Variants in DLGAP2 observed in about 807,000 individuals in gnomAD.
DLGAP2 encodes disks large-associated protein 2.
A neutral mutation model predicts 100.3 loss-of-function variants in DLGAP2; 26 were observed. The observed-to-expected ratio is 0.26, with a 90% confidence interval of 0.19 to 0.36. The LOEUF is 0.36. DLGAP2 is among the 10% of genes least tolerant of loss of function. The pLI is 1.00. For synonymous variants in DLGAP2, 886 were observed against 630.1 expected (o/e 1.41, Z -6.08); for missense variants, 1,858 against 1,453.2 (o/e 1.28, Z -4.53).
Position 1,164,184 on chromosome 8 carries a change from TGGGGATTTTTCTGTGAGCCCCCAGGGCC to T in DLGAP2, c.74-94666_74-94639del, listed in dbSNP as rs1563224205. On this transcript the variant is annotated intron_variant, in intron 2 of 14. Transcript: ENST00000637795. ...CCCCAGGGCCCGTCATTTTGGTTTG[TGGGGATTTTTCTGTGAGCCCCCAGGGCC>T]CGTCATTTTGGTTTGTGGGGACAGA... is the stretch of plus-strand genomic sequence containing the variant. 3.6e-3 allele frequency among the ~76,000 whole-genome samples: 329 copies of T among 90,868 alleles called. 3 individuals are homozygous for T. The highest frequency in any genetic ancestry group is 8.5e-3 in the African/African-American group (206 of 24,220). 59.6% of individuals were successfully genotyped at this position (90,868 alleles called of 152,430 possible).
At chr8:1,660,513 C>T (rs963813135) in intron 8 of DLGAP2, among the ~76,000 whole-genome samples, 1 of 152,174 alleles carries the variant, frequency 6.6e-6, no homozygotes, top group Non-Finnish European at 1.5e-5. Flanking sequence ...TCCCCCTTGA[C>T]CTCTGTACTC....
chr8:873,392 C>T (rs899517638), intron 1 of DLGAP2, among the ~76,000 whole-genome samples: 2 of 152,206 alleles, frequency 1.3e-5, no homozygotes, highest in African/African-American at 4.8e-5. Flanking sequence ...AACCAACATC[C>T]TTGTCTTGTT....
chr8:973,954 G>T (rs562226960), intron 2 of DLGAP2, among the ~76,000 whole-genome samples: 3 of 151,456 alleles, frequency 2.0e-5, no homozygotes, highest in South Asian at 2.1e-4. Context: ...AGCTGCGCGC[G>T]CAGACCGGGC....
At chr8:1,536,699 G>A (rs942570983) in intron 4 of DLGAP2, among the ~76,000 whole-genome samples, 28 of 152,168 alleles carry the variant, frequency 1.8e-4, no homozygotes, top group Non-Finnish European at 4.1e-4. Flanking sequence ...ATCTGAACCC[G>A]CGTTTGGTCT....
intron 1 of DLGAP2, among the ~76,000 whole-genome samples, chr8:836,460 G>T (rs1031932489): frequency 5.9e-5 from 9 of 152,318 alleles, no homozygotes; most frequent in South Asian, 2.1e-4. Flanking sequence ...CAGGGATGGG[G>T]TCCGAGGGCT....
rs187852206 is a variant in DLGAP2 at position 1,437,845 on chromosome 8, G to T, written c.107-63521G>T. ...AAAAAAAAAAAAAAAAATTAGCCGG[G>T]CGTGATGTCATGTGCCTGTAATCCC... On this transcript the variant is annotated intron_variant, in intron 3 of 14. Coordinates refer to ENST00000637795, the MANE Select transcript of DLGAP2 (RefSeq NM_001346810.2). Among the ~76,000 whole-genome samples, 1,035 of 148,224 alleles carry T rather than the reference G, an allele frequency of 7.0e-3. 12 individuals are homozygous for T. The highest frequency in any genetic ancestry group is 0.024 in the African/African-American group (990 of 40,522).
intron 1 of DLGAP2, among the ~76,000 whole-genome samples, chr8:883,753 C>G (rs796284586): frequency 1.4e-4 from 22 of 152,282 alleles, no homozygotes; most frequent in African/African-American, 5.1e-4. Context: ...TGGTGGTTTG[C>G]TGCACCTATT....
At chr8:903,236 T>C (rs1403273281) in intron 1 of DLGAP2, among the ~76,000 whole-genome samples, 1 of 152,016 alleles carries the variant, frequency 6.6e-6, no homozygotes, top group Non-Finnish European at 1.5e-5. Flanking sequence ...CAAACAAGGA[T>C]GTTTTATGAA....
At chr8:1,188,348 C>T (rs553666532) in intron 2 of DLGAP2, among the ~76,000 whole-genome samples, 15 of 141,560 alleles carry the variant, frequency 1.1e-4, no homozygotes, top group Middle Eastern at 3.8e-3. Flanking sequence ...CTCACACACC[C>T]GGGACCTCCG....
chr8:770,976 A>T (rs1035062193), intron 1 of DLGAP2, among the ~76,000 whole-genome samples: 2 of 151,956 alleles, frequency 1.3e-5, no homozygotes, highest in African/African-American at 4.8e-5. Flanking sequence ...AGGGGTCTTT[A>T]AAATATTACT....
At chr8:973,990 T>G (rs535357184) in intron 2 of DLGAP2, among the ~76,000 whole-genome samples, 1 of 151,868 alleles carries the variant, frequency 6.6e-6, no homozygotes, top group Non-Finnish European at 1.5e-5. Context: ...AAAGATTTTT[T>G]TAAAAATGGA....
At chr8:1,221,119 T>C (rs1798306466) in intron 2 of DLGAP2, among the ~76,000 whole-genome samples, 1 of 152,218 alleles carries the variant, frequency 6.6e-6, no homozygotes, top group Non-Finnish European at 1.5e-5. Context: ...AATATTGGTA[T>C]GTGAAGATTC....
chr8:1,484,672 T>G (rs1379271793), intron 3 of DLGAP2, among the ~76,000 whole-genome samples: 2 of 152,250 alleles, frequency 1.3e-5, no homozygotes, highest in African/African-American at 4.8e-5. Context: ...CTGAGGCATT[T>G]GATAGAAAGA....
At chr8:1,314,221 A>T (rs990429024) in intron 3 of DLGAP2, among the ~76,000 whole-genome samples, 1 of 152,210 alleles carries the variant, frequency 6.6e-6, no homozygotes, top group Non-Finnish European at 1.5e-5. Context: ...CGTTTCAGTT[A>T]TCCGTTTTAA....
intron 8 of DLGAP2, among the ~76,000 whole-genome samples, chr8:1,652,691 T>C (rs7464600): frequency 0.2 from 30,783 of 152,144 alleles, 3,615 homozygotes; most frequent in South Asian, 0.33. Context: ...GTAAAACTTA[T>C]TTTCATTCCT....
intron 2 of DLGAP2, among the ~76,000 whole-genome samples, chr8:998,202 A>C (rs1238877173): frequency 6.6e-6 from 1 of 152,186 alleles, no homozygotes; most frequent in East Asian, 1.9e-4. Flanking sequence ...ATAAATACAC[A>C]CATACACATG....
chr8:1,616,180 G>A (rs1272729902), intron 6 of DLGAP2, among the ~76,000 whole-genome samples: 1 of 152,060 alleles, frequency 6.6e-6, no homozygotes, highest in Non-Finnish European at 1.5e-5. Flanking sequence ...ATTTGAAAAT[G>A]AAACAGTAGA....
chr8:830,887 G>C (rs1235044446), intron 1 of DLGAP2, among the ~76,000 whole-genome samples: 1 of 125,440 alleles, frequency 8.0e-6, no homozygotes, highest in Non-Finnish European at 1.6e-5. Context: ...TAAACATTCA[G>C]CTGTGACTTT....
intron 3 of DLGAP2, among the ~76,000 whole-genome samples, chr8:1,496,087 C>A (rs1344293469): frequency 6.6e-6 from 1 of 152,178 alleles, no homozygotes; most frequent in African/African-American, 2.4e-5. Context: ...ACTGGCTTCC[C>A]TGAAAGTCAG....
Sources: gnomAD v4.1 joint callset for allele counts (sites outside exome capture counted in the v4.1 genomes callset) on GRCh38, gnomAD v4.1.1 for gene constraint, MANE v1.5 for transcripts, NCBI Gene and HGNC (gene_info 2026-07-23, HGNC 2026-07-21) for gene names.